Variants in MCPH1 observed in about 807,000 individuals in gnomAD.
The protein encoded by MCPH1 is microcephalin 1, also known as microcephalin.
MCPH1 carries 104 observed loss-of-function variants against 84.5 expected under a neutral mutation model. That is an observed-to-expected ratio of 1.23 (90% confidence interval 1.05 to 1.45). The LOEUF (loss-of-function observed/expected upper bound fraction) is 1.45, where lower values mean the gene tolerates loss of function less well. MCPH1 is among the 40% of genes most tolerant of loss of function. The probability of loss-of-function intolerance (pLI) is 0.00; values close to 1 mark genes in which losing one functional copy is unlikely to be tolerated. For missense variants in MCPH1, 1,498 were observed against 1,005.7 expected (o/e 1.49, Z -6.62); for synonymous variants, 514 against 366.8 (o/e 1.40, Z -4.58).
At chr8:6,627,760 G>A (rs1175878649) in intron 13 of MCPH1, among the ~76,000 whole-genome samples, 2 of 152,092 alleles carry the variant, frequency 1.3e-5, no homozygotes, top group African/African-American at 4.8e-5. Flanking sequence ...GCATGGTGGT[G>A]CAAGCCTATA....
intron 12 of MCPH1, among the ~76,000 whole-genome samples, chr8:6,574,628 T>C (rs1490891608): frequency 3.3e-5 from 5 of 152,224 alleles, no homozygotes; most frequent in East Asian, 1.9e-4. Context: ...TGAAAACTTA[T>C]AGACATGAAA....
chr8:6,409,151 G>C, intron 1 of MCPH1, 128 bp from the exon 2 acceptor site: 1 of 785,340 alleles, frequency 1.3e-6, no homozygotes, highest in Non-Finnish European at 2.2e-6. Flanking sequence ...CTCCCACAGT[G>C]CTGGGATTAC....
intron 2 of MCPH1, 41 bp from the exon 3 acceptor site, chr8:6,414,724 G>C (rs1310567629): frequency 1.2e-6 from 2 of 1,606,550 alleles, no homozygotes; most frequent in Non-Finnish European, 1.7e-6. Context: ...AGTTGTGAAT[G>C]AACAGTAATG....
intron 12 of MCPH1, among the ~76,000 whole-genome samples, chr8:6,507,398 CA>C (rs1372332632): frequency 2.6e-5 from 4 of 152,100 alleles, no homozygotes; most frequent in African/African-American, 9.7e-5. Flanking sequence ...TCTTTACATT[CA>C]TTTTGCACTA....
chr8:6,501,516 C>T (rs1053346816), intron 12 of MCPH1: 7 of 150,900 alleles, frequency 4.6e-5, no homozygotes, highest in Non-Finnish European at 1.0e-4. Flanking sequence ...TTTGTAGTCC[C>T]GAGTATAAAG....
At chr8:6,425,185 G>A (rs1800875516) in intron 3 of MCPH1, among the ~76,000 whole-genome samples, 1 of 152,238 alleles carries the variant, frequency 6.6e-6, no homozygotes, top group South Asian at 2.1e-4. Flanking sequence ...ACGGCTTCCC[G>A]AGGAGAACGT....
intron 11 of MCPH1, among the ~76,000 whole-genome samples, chr8:6,487,448 T>C (rs1810068880): frequency 6.6e-6 from 1 of 152,236 alleles, no homozygotes; most frequent in African/African-American, 2.4e-5. Context: ...TTATAACTCA[T>C]GGGAGAACCA....
At chr8:6,597,200 A>G (rs1702040718) in intron 12 of MCPH1, among the ~76,000 whole-genome samples, 1 of 152,192 alleles carries the variant, frequency 6.6e-6, no homozygotes, top group South Asian at 2.1e-4. Context: ...CAAATGGATG[A>G]GCCTCAGTCC....
chr8:6,421,567 A>G (rs773570676), intron 3 of MCPH1, among the ~76,000 whole-genome samples: 9 of 152,138 alleles, frequency 5.9e-5, no homozygotes, highest in Non-Finnish European at 1.0e-4. Context: ...TCAAATGTTT[A>G]CTATTTCATG....
chr8:6,488,043 A>C (rs1810139283), intron 11 of MCPH1, among the ~76,000 whole-genome samples: 2 of 152,236 alleles, frequency 1.3e-5, no homozygotes, highest in African/African-American at 4.8e-5. Context: ...AAAATAATGG[A>C]TTCTGGTTTT....
intron 9 of MCPH1, chr8:6,474,126 G>T: frequency 2.6e-6 from 2 of 763,074 alleles, no homozygotes; most frequent in South Asian, 2.7e-5. Flanking sequence ...TCACAACCGT[G>T]GTAATCAACA....
chr8:6,529,260 C>T (rs777288822), intron 12 of MCPH1, among the ~76,000 whole-genome samples: 2 of 152,160 alleles, frequency 1.3e-5, no homozygotes, highest in Non-Finnish European at 1.5e-5. Flanking sequence ...ATGAGACCTC[C>T]AGCCACCCAT....
intron 9 of MCPH1, among the ~76,000 whole-genome samples, chr8:6,466,919 C>G (rs960672105): frequency 4.6e-5 from 7 of 152,108 alleles, no homozygotes; most frequent in African/African-American, 1.4e-4. Context: ...GTCTTTAACT[C>G]TTCACACTTT....
rs1831407325 is a variant in MCPH1, at chr8:6,621,484, G to C, written c.2245G>C (p.Gly749Arg). Reference sequence around the variant, plus strand: ...CCGAAGCGAGTGCCACTTGTCTGCAGGGCCGTACCGCGGAACCCTCTTTGC... The same window carrying C: ...CCGAAGCGAGTGCCACTTGTCTGCACGGCCGTACCGCGGAACCCTCTTTGC... ...LCRSECHLSAGPYRGTLFADQ... is the reference protein window; with the variant it reads ...LCRSECHLSARPYRGTLFADQ... Residue 749 changes from glycine to arginine, a missense_variant, in exon 13 of 14, where the codon GGG becomes CGG. Gly to Arg is a moderately radical substitution (Grantham distance 125). Transcript: ENST00000344683. 1.9e-6 allele frequency: 3 copies of C among 1,613,976 alleles called. No homozygotes were observed. Among genetic ancestry groups the C allele is most frequent in the Middle Eastern group, 1.6e-4 (1 of 6,084 alleles).
chr8:6,420,082 G>A lies in MCPH1; in HGVS notation c.233+5199G>A, dbSNP rs1029732162. On this transcript the variant is annotated intron_variant, in intron 3 of 13. Coordinates refer to ENST00000344683, the MANE Select transcript of MCPH1 (RefSeq NM_024596.5). ...GAGGAGGGAGGGGCTCGTGTATCTC[G>A]TTTGCGTTTTGTTTCTATAGGATCC... is the stretch of plus-strand genomic sequence containing the variant. Among the ~76,000 whole-genome samples the A allele has an allele frequency of 7.9e-5, 12 of 151,558 alleles. No homozygotes were observed. The South Asian group carries it at 1.5e-3, about 19-fold the overall frequency.
At chr8:6,581,733 A>G (rs1007059927) in intron 12 of MCPH1, among the ~76,000 whole-genome samples, 1 of 152,214 alleles carries the variant, frequency 6.6e-6, no homozygotes, top group African/African-American at 2.4e-5. Flanking sequence ...GGCTGCTGTA[A>G]CAACATATCA....
intron 12 of MCPH1, among the ~76,000 whole-genome samples, chr8:6,527,039 A>G (rs184284148): frequency 3.3e-5 from 5 of 152,368 alleles, no homozygotes; most frequent in East Asian, 3.9e-4. Flanking sequence ...TAGCTTTCAT[A>G]CTATAGACCA....
chr8:6,466,273 A>G (rs1015529153), intron 9 of MCPH1, among the ~76,000 whole-genome samples: 1 of 150,442 alleles, frequency 6.6e-6, no homozygotes, highest in South Asian at 2.1e-4. Context: ...AGTAGCTGGT[A>G]CTAGAGGCAC....
intron 13 of MCPH1, chr8:6,621,994 C>T (rs964808761): frequency 4.6e-6 from 2 of 431,604 alleles, no homozygotes; most frequent in African/African-American, 2.0e-5. Context: ...CCTGTGGGCA[C>T]AGACTCTCCG....
Sources: allele counts gnomAD v4.1 joint callset (sites outside exome capture counted in the v4.1 genomes callset), GRCh38; gene constraint gnomAD v4.1.1; transcripts MANE v1.5; gene names NCBI Gene and HGNC (gene_info 2026-07-23, HGNC 2026-07-21).